PATJ: variants seen among roughly 807,000 people sequenced by gnomAD.
The protein encoded by PATJ is inaD-like protein.
PATJ carries 190 observed loss-of-function variants against 224.9 expected under a neutral mutation model. The observed-to-expected ratio is 0.84, with a 90% CI of 0.75 to 0.95. PATJ has a LOEUF of 0.95. PATJ is among the 40% of genes least tolerant of loss of function. The pLI is 0.00. For missense variants in PATJ, 2,121 were observed against 2,270.3 expected (o/e 0.93, Z 1.34); for synonymous variants, 769 against 820.3 (o/e 0.94, Z 1.07).
intron 29 of PATJ, among the ~76,000 whole-genome samples, chr1:62,025,512 C>G (rs1364090597): frequency 6.6e-6 from 1 of 152,172 alleles, no homozygotes; most frequent in African/African-American, 2.4e-5. Context: ...ATCTATGGTA[C>G]TATCTTTTAG....
chr1:61,867,594 C>G (rs1665630838), intron 20 of PATJ, among the ~76,000 whole-genome samples: 3 of 93,356 alleles, frequency 3.2e-5, no homozygotes, highest in Middle Eastern at 6.7e-3. Flanking sequence ...TTTTTTTTTG[C>G]CAATTCTCAC....
chr1:61,945,542 A>G (rs1439861927), intron 27 of PATJ, among the ~76,000 whole-genome samples: 1 of 152,206 alleles, frequency 6.6e-6, no homozygotes, highest in Admixed American at 6.5e-5. Context: ...TCGTAAATAT[A>G]TATGCACCCA....
chr1:62,087,586 C>G (rs576728363), intron 33 of PATJ, among the ~76,000 whole-genome samples: 1 of 151,960 alleles, frequency 6.6e-6, no homozygotes, highest in South Asian at 2.1e-4. Flanking sequence ...TGCCTCCTGT[C>G]CCTATCATTA....
At chr1:61,836,745 G>A (rs564983090) in intron 17 of PATJ, among the ~76,000 whole-genome samples, 1 of 152,214 alleles carries the variant, frequency 6.6e-6, no homozygotes, top group Admixed American at 6.5e-5. Context: ...TTTTTGCAAG[G>A]CCAGGCAAAG....
At chr1:61,775,953 T>A (rs939670378) in intron 7 of PATJ, among the ~76,000 whole-genome samples, 2 of 152,252 alleles carry the variant, frequency 1.3e-5, no homozygotes, top group Non-Finnish European at 2.9e-5. Context: ...AGAATAGGCA[T>A]GATAAATCAG....
At position 62,017,897 on chromosome 1, in the gene PATJ, A is replaced by G; in HGVS notation, c.3909A>G (p.Ala1303=). ...QILYGRSHQN[A]SAIIKTAPSK... ...TGTATGGAAGAAGTCACCAAAATGCATCTGCCATTATTAAGACTGCCCCAT... is the reference window on the plus strand; with the variant it reads ...TGTATGGAAGAAGTCACCAAAATGCGTCTGCCATTATTAAGACTGCCCCAT... Residue 1303 remains alanine, a synonymous_variant, in exon 29 of 44, where the codon GCA becomes GCG. Coordinates refer to ENST00000642238, the MANE Select transcript of PATJ (RefSeq NM_001350145.3). 1 of 1,612,802 alleles carries G rather than the reference A, an allele frequency of 6.2e-7. No homozygotes were observed. Among genetic ancestry groups the G allele is most frequent in the Non-Finnish European group, 8.5e-7 (1 of 1,178,874 alleles).
chr1:61,954,911 G>T (rs985420687), intron 27 of PATJ, among the ~76,000 whole-genome samples: 3 of 151,872 alleles, frequency 2.0e-5, no homozygotes, highest in Non-Finnish European at 4.4e-5. Context: ...CTGCCACCAC[G>T]CCCGGCTCAT....
At chr1:62,153,756 AGGAG>A (rs1668865022) in intron 43 of PATJ, among the ~76,000 whole-genome samples, 1 of 152,162 alleles carries the variant, frequency 6.6e-6, no homozygotes, top group Admixed American at 6.6e-5. Context: ...ACACAGCATA[AGGAG>A]CAGTGCCACT....
intron 1 of PATJ, among the ~76,000 whole-genome samples, chr1:61,745,923 A>AT (rs1645002002): frequency 6.7e-6 from 1 of 150,270 alleles, no homozygotes; most frequent in Non-Finnish European, 1.5e-5. Flanking sequence ...TTTTTTAAAA[A>AT]TTTTTATTCA....
At chr1:61,789,957 T>G (rs1246908115) in intron 8 of PATJ, among the ~76,000 whole-genome samples, 1 of 152,214 alleles carries the variant, frequency 6.6e-6, no homozygotes. Context: ...ATTTACTTTT[T>G]CATGTTAATG....
intron 28 of PATJ, among the ~76,000 whole-genome samples, chr1:62,002,524 T>C (rs971759102): frequency 6.6e-6 from 1 of 151,914 alleles, no homozygotes; most frequent in African/African-American, 2.4e-5. Context: ...CTGGCCAACA[T>C]AGTGAAACCC....
intron 11 of PATJ, among the ~76,000 whole-genome samples, chr1:61,801,281 G>A (rs1438580434): frequency 1.3e-5 from 2 of 152,168 alleles, no homozygotes; most frequent in African/African-American, 4.8e-5. Context: ...TCTAACTGGT[G>A]TGAGATGGTA....
At chr1:62,051,179 G>A (rs897269291) in intron 31 of PATJ, 121 bp downstream of exon 31, 31 of 727,396 alleles carry the variant, frequency 4.3e-5, no homozygotes, top group Non-Finnish European at 6.7e-5. Context: ...TCGTCTGTGA[G>A]ACAAGAAGCT....
intron 28 of PATJ, among the ~76,000 whole-genome samples, chr1:62,003,643 C>T (rs544672822): frequency 2.0e-5 from 3 of 152,284 alleles, no homozygotes; most frequent in Middle Eastern, 3.4e-3. Flanking sequence ...ACTATTTTGT[C>T]TTTTCCAAGG....
At chr1:62,157,253 G>A (rs886793752) in intron 43 of PATJ, among the ~76,000 whole-genome samples, 2 of 151,854 alleles carry the variant, frequency 1.3e-5, no homozygotes, top group East Asian at 3.9e-4. Flanking sequence ...GAACCTGAGA[G>A]GTGGAGGTTG....
At chr1:61,957,431 A>G (rs1405577879) in intron 27 of PATJ, among the ~76,000 whole-genome samples, 2 of 152,222 alleles carry the variant, frequency 1.3e-5, no homozygotes, top group African/African-American at 4.8e-5. Context: ...TGAGCGTTAG[A>G]ATAATGGGCA....
At chr1:61,840,614 T>C (rs1660931059) in intron 17 of PATJ, among the ~76,000 whole-genome samples, 1 of 152,090 alleles carries the variant, frequency 6.6e-6, no homozygotes, top group Non-Finnish European at 1.5e-5. Flanking sequence ...CTACCTCTTT[T>C]TAATGACTAC....
chr1:62,022,851 G>A (rs1647169523), intron 29 of PATJ, among the ~76,000 whole-genome samples: 1 of 152,132 alleles, frequency 6.6e-6, no homozygotes, highest in Non-Finnish European at 1.5e-5. Context: ...TTGAACATAT[G>A]TCTTCCTTTT....
rs1658896936 is a variant in PATJ, at chr1:62,079,458, C to T, written c.4134C>T (p.Ser1378=). Residue 1378 remains serine (S), a synonymous_variant, in exon 32 of 44, where the codon AGC becomes AGT. Transcript: ENST00000642238. ...TTTCCTTTCTTTTGTAGGCTGTCAG[C>T]CAGATGAAACAGCAAAAATATCCAA... ...PESESFKLAV[S]QMKQQKYPTK... 6.2e-7 allele frequency: 1 copy of T among 1,605,232 alleles called. No homozygotes were observed. Among genetic ancestry groups the T allele is most frequent in the Non-Finnish European group, 8.5e-7 (1 of 1,172,524 alleles).
Sources: gnomAD v4.1 joint callset for allele counts (sites outside exome capture counted in the v4.1 genomes callset) on GRCh38, gnomAD v4.1.1 for gene constraint, MANE v1.5 for transcripts, NCBI Gene and HGNC (gene_info 2026-07-23, HGNC 2026-07-21) for gene names.